Variants in ACSS3 observed in about 807,000 individuals in gnomAD.
ACSS3 encodes acyl-CoA synthetase short chain family member 3.
In ACSS3, 64 loss-of-function variants were observed where a neutral mutation model predicts 84.2. The observed-to-expected ratio is 0.76, with a 90% CI of 0.62 to 0.94. The LOEUF (loss-of-function observed/expected upper bound fraction) is 0.94. ACSS3 is among the 40% of genes least tolerant of loss of function. ACSS3 has a pLI of 0.00. For synonymous variants in ACSS3, 317 were observed against 310.1 expected (o/e 1.02, Z -0.23); for missense variants, 815 against 867.6 (o/e 0.94, Z 0.76).
intron 7 of ACSS3, among the ~76,000 whole-genome samples, chr12:81,164,374 T>TC (rs1364658277): frequency 1.3e-5 from 2 of 152,174 alleles, no homozygotes; most frequent in Non-Finnish European, 2.9e-5. Context: ...TTCACAATGC[T>TC]AAAATCACCT....
At chr12:81,202,778 A>T (rs1418215015) in intron 9 of ACSS3, among the ~76,000 whole-genome samples, 1 of 152,134 alleles carries the variant, frequency 6.6e-6, no homozygotes, top group Non-Finnish European at 1.5e-5. Context: ...TTAGTAAGGG[A>T]TATGTTAAGT....
intron 13 of ACSS3, among the ~76,000 whole-genome samples, chr12:81,246,955 A>G (rs2034003100): frequency 6.6e-6 from 1 of 152,168 alleles, no homozygotes; most frequent in South Asian, 2.1e-4. Context: ...ATTAAAAATT[A>G]AAAAAGTTTG....
chr12:81,259,745 C>A lies in ACSS3; in HGVS notation c.*4823C>A. ...TCTACTCCTCTGTGGTGTACCTCCACGCAGCCTGCTTACTCCTGTCCTAGA... is the reference window on the plus strand; with the variant it reads ...TCTACTCCTCTGTGGTGTACCTCCAAGCAGCCTGCTTACTCCTGTCCTAGA... On this transcript the variant is annotated 3_prime_UTR_variant, in exon 16 of 16. Coordinates refer to ENST00000548058, the MANE Select transcript of ACSS3 (RefSeq NM_024560.4). 1 of 1,202,372 alleles carries A rather than the reference C, an allele frequency of 8.3e-7. No homozygotes were observed. The highest frequency in any genetic ancestry group is 1.2e-6 in the Non-Finnish European group (1 of 851,204). The allele number at this position is 1,202,372 out of a possible 1,614,324, so 74.5% of individuals were successfully genotyped here. A position where few individuals can be genotyped will look rare whatever the true frequency, so the allele number is the denominator to read the frequency against.
intron 9 of ACSS3, among the ~76,000 whole-genome samples, chr12:81,202,649 T>G (rs1169142816): frequency 6.6e-6 from 1 of 152,202 alleles, no homozygotes; most frequent in South Asian, 2.1e-4. Flanking sequence ...ACTTGCACAC[T>G]TTTATGAGCC....
At chr12:81,191,875 A>G (rs1189298166) in intron 8 of ACSS3, among the ~76,000 whole-genome samples, 1 of 151,874 alleles carries the variant, frequency 6.6e-6, no homozygotes, top group African/African-American at 2.4e-5. Flanking sequence ...ATTCCTAAAC[A>G]TTTTTCAGTT....
In ACSS3 at chr12:81,148,681, C is replaced by T. The variant is rs920082467; in HGVS notation, c.922-3163C>T. On this transcript the variant is annotated intron_variant, in intron 5 of 15. Coordinates refer to ENST00000548058, the MANE Select transcript of ACSS3 (RefSeq NM_024560.4). ...ATTATGACTGATCCTACCAAAAGAT[C>T]GGAACAGCATATTGGCAGGTTACAG... Among the ~76,000 whole-genome samples the T allele has an allele frequency of 4.0e-5, 6 of 151,810 alleles. No individual in the cohort carries two copies. In the South Asian group the frequency reaches 6.2e-4, roughly 16 times the overall value.
At chr12:81,188,108 T>A (rs2031371619) in intron 8 of ACSS3, among the ~76,000 whole-genome samples, 1 of 151,964 alleles carries the variant, frequency 6.6e-6, no homozygotes, top group African/African-American at 2.4e-5. Context: ...ATATTCAGAG[T>A]ATCTCTTCTG....
intron 1 of ACSS3, among the ~76,000 whole-genome samples, chr12:81,104,450 G>T (rs1334101876): frequency 1.3e-5 from 2 of 152,130 alleles, no homozygotes; most frequent in African/African-American, 2.4e-5. Flanking sequence ...GGAGAGTCTA[G>T]ATTTCTGCTC....
At chr12:81,232,915 C>G (rs2033512994) in intron 12 of ACSS3, among the ~76,000 whole-genome samples, 1 of 151,646 alleles carries the variant, frequency 6.6e-6, no homozygotes, top group Admixed American at 6.6e-5. Flanking sequence ...GAGTCCAATC[C>G]TAACCCATAT....
At position 81,182,529 on chromosome 12, in the gene ACSS3, C is replaced by T. The variant is rs188223102; in HGVS notation, c.1250+7590C>T. On this transcript the variant is annotated intron_variant, in intron 8 of 15. Transcript: ENST00000548058. ...GTATGAAGGTAGAAATCAATTAATT[C>T]ATTAATAATAGCCAATACATTGGTT... Among the ~76,000 whole-genome samples the T allele has an allele frequency of 8.0e-4, 122 of 152,138 alleles. 1 individual carries two copies. The highest frequency in any genetic ancestry group is 2.8e-3 in the Admixed American group (43 of 15,272).
At chr12:81,081,137 C>T (rs996513599) in intron 1 of ACSS3, among the ~76,000 whole-genome samples, 1 of 152,246 alleles carries the variant, frequency 6.6e-6, no homozygotes, top group African/African-American at 2.4e-5. Context: ...CCCTCAGAAC[C>T]CACAGGCTTA....
intron 10 of ACSS3, among the ~76,000 whole-genome samples, chr12:81,219,330 A>G (rs906914587): frequency 1.3e-5 from 2 of 152,180 alleles, no homozygotes; most frequent in Non-Finnish European, 1.5e-5. Flanking sequence ...TTCTGAGAGC[A>G]ACAACCTTCT....
intron 13 of ACSS3, among the ~76,000 whole-genome samples, chr12:81,243,577 G>T (rs1475247424): frequency 1.3e-5 from 2 of 152,170 alleles, no homozygotes; most frequent in Admixed American, 6.5e-5. Context: ...GAAGAACAAA[G>T]CTGGAGGCAT....
At chr12:81,203,074 G>A (rs2032180446) in intron 9 of ACSS3, among the ~76,000 whole-genome samples, 2 of 152,134 alleles carry the variant, frequency 1.3e-5, no homozygotes, top group South Asian at 4.1e-4. Context: ...AATGAGGGAA[G>A]CCAACGAATG....
rs184973708 is a variant in ACSS3 at position 81,181,030 on chromosome 12, A to G, written c.1250+6091A>G. On this transcript the variant is annotated intron_variant, in intron 8 of 15. Coordinates refer to ENST00000548058, the MANE Select transcript of ACSS3 (RefSeq NM_024560.4). ...TATAAGTGAAATGCCAGAGTATTTT[A>G]CTTTTATGTTTCTGTGGCCCAAGGG... Among the ~76,000 whole-genome samples, 880 of 152,242 alleles carry G rather than the reference A, an allele frequency of 5.8e-3. 8 individuals carry two copies. The highest frequency in any genetic ancestry group is 0.021 in the African/African-American group (852 of 41,534).
chr12:81,139,321 T>C, intron 4 of ACSS3, 56 bp downstream of exon 4: 2 of 1,575,910 alleles, frequency 1.3e-6, no homozygotes, highest in East Asian at 2.2e-5. Flanking sequence ...AGAATGAGTT[T>C]AGTTTTTACC....
chr12:81,206,053 G>T (rs934419577), intron 9 of ACSS3, among the ~76,000 whole-genome samples: 3 of 152,094 alleles, frequency 2.0e-5, no homozygotes, highest in African/African-American at 7.2e-5. Flanking sequence ...GTTTTATGTG[G>T]TTTGAGTACC....
intron 11 of ACSS3, among the ~76,000 whole-genome samples, chr12:81,225,819 C>G (rs1338592262): frequency 6.6e-6 from 1 of 151,752 alleles, no homozygotes; most frequent in African/African-American, 2.4e-5. Flanking sequence ...AAATATTGAT[C>G]GAAGGAAGAA....
chr12:81,200,725 C>T (rs752067722), intron 9 of ACSS3, among the ~76,000 whole-genome samples: 4 of 151,670 alleles, frequency 2.6e-5, no homozygotes, highest in African/African-American at 9.7e-5. Context: ...CATGGTGAAA[C>T]CCCATCTCTA....
Sources: gnomAD v4.1 joint callset for allele counts (sites outside exome capture counted in the v4.1 genomes callset) on GRCh38, gnomAD v4.1.1 for gene constraint, MANE v1.5 for transcripts, NCBI Gene and HGNC (gene_info 2026-07-23, HGNC 2026-07-21) for gene names.